Variants in MVD observed in about 807,000 individuals in gnomAD.
MVD encodes diphosphomevalonate decarboxylase.
Under a neutral mutation model 42.4 loss-of-function variants are expected in MVD, and 52 were observed. The observed-to-expected ratio is 1.23, with a 90% CI of 0.98 to 1.55. MVD has a LOEUF of 1.55. MVD is among the 40% of genes most tolerant of loss of function. The probability of loss-of-function intolerance (pLI) is 0.00; values close to 1 mark genes in which losing one functional copy is unlikely to be tolerated. For missense variants in MVD, 663 were observed against 572.1 expected (o/e 1.16, Z -1.62); for synonymous variants, 287 against 243.2 (o/e 1.18, Z -1.68).
rs148455330 is a variant in MVD at position 88,656,439 on chromosome 16, C to T, written c.404-135G>A. The T allele has an allele frequency of 8.0e-3, 7,358 of 919,292 alleles. 46 individuals are homozygous for T. Among genetic ancestry groups the T allele is most frequent in the Non-Finnish European group, 0.011 (6,425 of 606,960 alleles). 56.9% of individuals were successfully genotyped at this position (919,292 alleles called of 1,614,324 possible). On this transcript the variant is annotated intron_variant, in intron 4 of 9. Coordinates refer to ENST00000301012, the MANE Select transcript of MVD (RefSeq NM_002461.3). ...GATGACAGGGCTTCTGGGCCATCAGCCTTTGAGGCCAGCATTCACCGGCCC... is the reference window on the plus strand; with the variant it reads ...GATGACAGGGCTTCTGGGCCATCAGTCTTTGAGGCCAGCATTCACCGGCCC...
At chr16:88,659,523 C>CG (rs1167518006) in intron 1 of MVD, among the ~76,000 whole-genome samples, 1 of 152,188 alleles carries the variant, frequency 6.6e-6, no homozygotes, top group African/African-American at 2.4e-5. Context: ...GAGACTCTCA[C>CG]GGGTGACAGA....
Position 88,662,711 on chromosome 16 carries a change from C to T in MVD, c.70+300G>A, listed in dbSNP as rs774403524. On this transcript the variant is annotated intron_variant, in intron 1 of 9. Transcript: ENST00000301012. The stretch of plus-strand genomic sequence containing the variant: ...CGCGCACCACCACGGCGGATTCTTA[C>T]GATTCATGGGAATCGATGATTGATG... 2.0e-4 allele frequency: 278 copies of T among 1,407,800 alleles called. 1 individual carries two copies. The South Asian group carries it at 3.4e-3, about 17-fold the overall frequency. 87.2% of individuals were successfully genotyped at this position (1,407,800 alleles called of 1,614,324 possible). A position where few individuals can be genotyped will look rare whatever the true frequency, so the allele number is the denominator to read the frequency against.
chr16:88,663,064 G>C lies in MVD; in HGVS notation c.17C>G (p.Pro6Arg). 4 of 1,609,996 alleles carry C rather than the reference G, an allele frequency of 2.5e-6. No individual in the cohort carries two copies. Among genetic ancestry groups the C allele is most frequent in the African/African-American group, 1.3e-5 (1 of 74,750 alleles). ...CGCTGTACAAGTGACTGCCGCCAGC[G>C]GCTTCTCCGAGGCCATGGTCCCACC... MASEK[P>R]LAAVTCTAPV... The change falls in exon 1 of 10, where the codon CCG becomes CGG. Residue 6 changes from proline to arginine, a missense_variant. Physicochemically the swap from Pro to Arg is moderately radical, Grantham distance 103. Transcript: ENST00000301012.
In MVD at chr16:88,656,078, C is replaced by T. The variant is rs113664731; in HGVS notation, c.603+27G>A. On this transcript the variant is annotated intron_variant, in intron 5 of 9. Coordinates refer to ENST00000301012, the MANE Select transcript of MVD (RefSeq NM_002461.3). ...ACTAGGGACAGAGGCCACCGGGCTG[C>T]TGCTCCACCCGCCCCACCCCACTCA... 3,787 of 1,560,298 alleles carry T rather than the reference C, an allele frequency of 2.4e-3. 80 individuals carry two copies. The African/African-American group carries it at 0.045, about 19-fold the overall frequency.
At position 88,663,089 on chromosome 16, in the gene MVD, C is replaced by A. The variant is rs188381947; in HGVS notation, c.-9G>T. On this transcript the variant is annotated 5_prime_UTR_variant, in exon 1 of 10. Transcript: ENST00000301012. ...GGCTTCTCCGAGGCCATGGTCCCAC[C>A]GCGCAGTGACCCCAGCTCCACAGCC... 11 of 1,608,294 alleles carry A rather than the reference C, an allele frequency of 6.8e-6. No homozygotes were observed. The East Asian group carries it at 2.0e-4, about 30-fold the overall frequency.
intron 4 of MVD, 21 bp downstream of exon 4, chr16:88,657,415 C>T (rs369847513): frequency 2.5e-5 from 40 of 1,578,942 alleles, no homozygotes; most frequent in East Asian, 1.9e-4. Flanking sequence ...AGAACCCCTG[C>T]GGGTCTCTGT....
At chr16:88,654,841 G>C in intron 7 of MVD, 34 bp from the exon 8 acceptor site, 11 of 1,534,048 alleles carry the variant, frequency 7.2e-6, no homozygotes, top group Non-Finnish European at 8.8e-6. Flanking sequence ...GGCTATTCAC[G>C]TGGTGCCTGA....
chr16:88,662,674 T>A (rs961563301), intron 1 of MVD: 10 of 1,317,628 alleles, frequency 7.6e-6, no homozygotes, highest in Non-Finnish European at 9.8e-6. Flanking sequence ...CCCGAGTAGC[T>A]GGAGCCACAA....
Position 88,658,739 on chromosome 16 carries a change from G to A in MVD, c.71-19C>T, listed in dbSNP as rs1764544931. 1.9e-6 allele frequency: 3 copies of A among 1,603,456 alleles called. No individual in the cohort carries two copies. Among genetic ancestry groups the A allele is most frequent in the Admixed American group, 1.7e-5 (1 of 59,030 alleles). ...TTGCCCCCTGTAATGAACAGCCAGG[G>A]CCAGGCCGGTGGGCTTCCCGGCCCA... On this transcript the variant is annotated intron_variant, in intron 1 of 9. Coordinates refer to ENST00000301012, the MANE Select transcript of MVD (RefSeq NM_002461.3).
chr16:88,657,829 G>T, intron 3 of MVD, 86 bp downstream of exon 3: 1 of 1,414,064 alleles, frequency 7.1e-7, no homozygotes, highest in Non-Finnish European at 9.8e-7. Context: ...GCTGCCTCAG[G>T]AGGGGCACAG....
chr16:88,652,507 C>G lies in MVD; in HGVS notation c.*18G>C. Reference sequence around the variant, plus strand: ...GGCCACCCCTTCTCCAAGCGGCATGCGGTCCCTGCTGAGGCAGTCAGGCAG... The same window carrying G: ...GGCCACCCCTTCTCCAAGCGGCATGGGGTCCCTGCTGAGGCAGTCAGGCAG... On this transcript the variant is annotated 3_prime_UTR_variant, in exon 10 of 10. Coordinates refer to ENST00000301012, the MANE Select transcript of MVD (RefSeq NM_002461.3). 1.3e-6 allele frequency: 2 copies of G among 1,558,434 alleles called. No individual in the cohort carries two copies. Among genetic ancestry groups the G allele is most frequent in the Non-Finnish European group, 1.7e-6 (2 of 1,151,122 alleles).
rs748943997 is a variant in MVD at position 88,655,227 on chromosome 16, C to T, written c.869G>A (p.Arg290His). The T allele has an allele frequency of 4.4e-6, 7 of 1,574,818 alleles. No homozygotes were observed. Among genetic ancestry groups the T allele is most frequent in the African/African-American group, 2.7e-5 (2 of 74,354 alleles). ...GGTGTCCCCGTGGTGGGCGTTGAAGCGGTGCACCAGGTGGATGATGCGCCA... is the reference window on the plus strand; with the variant it reads ...GGTGTCCCCGTGGTGGGCGTTGAAGTGGTGCACCAGGTGGATGATGCGCCA... The part of the protein sequence containing the change: ...ISWRIIHLVH[R>H]FNAHHGDTKV... Residue 290 changes from arginine (R) to histidine (H), a missense_variant, in exon 7 of 10, where the codon CGC (arginine) becomes CAC (histidine). Physicochemically the swap from Arg to His is conservative, Grantham distance 29 (BLOSUM62 0). Transcript: ENST00000301012.
In MVD at chr16:88,657,550, G is replaced by A. The variant is rs370555660; in HGVS notation, c.289C>T (p.Arg97Trp). Residue 97 changes from arginine (R) to tryptophan (W), a missense_variant, in exon 4 of 10, where the codon CGG becomes TGG. Arg to Trp is a moderately radical substitution (Grantham distance 101). Coordinates refer to ENST00000301012, the MANE Select transcript of MVD (RefSeq NM_002461.3). ...RCLARKRRNS[R>W]DGDPLPSSLS... is the part of the protein sequence containing the mutation. ...CTGGAGGGCAGCGGGTCCCCATCCC[G>A]TGAGTTCCTCCGCTTCCGGGCCAGG... 1.9e-5 allele frequency: 30 copies of A among 1,612,618 alleles called. No homozygotes were observed. Among genetic ancestry groups the A allele is most frequent in the South Asian group, 4.4e-5 (4 of 91,076 alleles).
At position 88,652,345 on chromosome 16, in the gene MVD, C is replaced by G; in HGVS notation, c.*180G>C. 2 of 680,232 alleles carry G rather than the reference C, an allele frequency of 2.9e-6. No individual in the cohort carries two copies. The highest frequency in any genetic ancestry group is 1.7e-5 in the South Asian group (1 of 59,500). The allele number at this position is 680,232 out of a possible 1,614,324, so 42.1% of individuals were successfully genotyped here. On this transcript the variant is annotated 3_prime_UTR_variant, in exon 10 of 10. Coordinates refer to ENST00000301012, the MANE Select transcript of MVD (RefSeq NM_002461.3). ...GGCAGCTGAAGCACTCGGCGGGGAC[C>G]TCTCCTGACACCTGGGCGGCCGCAG...
At position 88,652,653 on chromosome 16, in the gene MVD, T is replaced by C. The variant is rs1191933730; in HGVS notation, c.1123-48A>G. The C allele has an allele frequency of 5.3e-6, 8 of 1,509,072 alleles. No individual in the cohort carries two copies. In the East Asian group the frequency reaches 1.7e-4, roughly 32 times the overall value. The allele number at this position is 1,509,072 out of a possible 1,614,324, so 93.5% of individuals were successfully genotyped here. A position where few individuals can be genotyped will look rare whatever the true frequency, so the allele number is the denominator to read the frequency against. ...GGTCACCAGGAATGGCAGCGCCTCATCCTGTGCCCAGCATCTGTAGGGCCG... is the reference window on the plus strand; with the variant it reads ...GGTCACCAGGAATGGCAGCGCCTCACCCTGTGCCCAGCATCTGTAGGGCCG... On this transcript the variant is annotated intron_variant, in intron 9 of 9. Transcript: ENST00000301012.
chr16:88,654,219 C>T (rs928591613), intron 8 of MVD, among the ~76,000 whole-genome samples: 3 of 152,024 alleles, frequency 2.0e-5, no homozygotes, highest in Non-Finnish European at 2.9e-5. Context: ...ATGCAGCTGC[C>T]GGACCCCACC....
chr16:88,661,874 A>G (rs1908316101), intron 1 of MVD, among the ~76,000 whole-genome samples: 1 of 149,498 alleles, frequency 6.7e-6, no homozygotes, highest in Non-Finnish European at 1.5e-5. Context: ...TAATATATAT[A>G]TGTATATATA....
rs748541115 is a variant in MVD at position 88,658,684 on chromosome 16, T to A, written c.107A>T (p.Asn36Ile). 1 of 1,612,874 alleles carries A rather than the reference T, an allele frequency of 6.2e-7. No homozygotes were observed. Residue 36 changes from asparagine to isoleucine, a missense_variant, in exon 2 of 10, where the codon AAC becomes ATC. Transcript: ENST00000301012. ...GTGCAGAGTGACGCTCAGGGAGGAG[T>A]TGATGGGCAGAACCAGCTCTTCATC... is the stretch of plus-strand genomic sequence containing the variant. ...KRDEELVLPI[N>I]SSLSVTLHQD...
At chr16:88,655,767 AG>A (rs1326987910) in intron 5 of MVD, 37 bp from the exon 6 acceptor site, 2 of 1,546,024 alleles carry the variant, frequency 1.3e-6, no homozygotes, top group Admixed American at 2.0e-5. Flanking sequence ...CACACCCTGC[AG>A]GGGGCCAGCC....
Sources: gnomAD v4.1 joint callset for allele counts (sites outside exome capture counted in the v4.1 genomes callset) on GRCh38, gnomAD v4.1.1 for gene constraint, MANE v1.5 for transcripts, NCBI Gene and HGNC (gene_info 2026-07-23, HGNC 2026-07-21) for gene names.